The following L3MBTL1 variants were observed in gnomAD, a reference collection of about 807,000 sequenced individuals.
L3MBTL1 encodes lethal(3)malignant brain tumor-like protein 1.
Under a neutral mutation model 105.3 loss-of-function variants are expected in L3MBTL1, and 75 were observed. The ratio of observed to expected loss-of-function variants is 0.71; its 90% confidence interval spans 0.59 to 0.86. L3MBTL1 has a LOEUF of 0.86. Ranked by LOEUF, L3MBTL1 falls within the 40% of genes least tolerant of loss-of-function variation. The pLI is 0.00. For missense variants in L3MBTL1, 1,069 were observed against 1,126.4 expected, an observed-to-expected ratio of 0.95 and a Z score of 0.73; for synonymous variants, 452 against 436.2, an observed-to-expected ratio of 1.04 and a Z score of -0.45.
rs2145448866 is a variant in L3MBTL1 at position 43,530,433 on chromosome 20, G to A, written c.1192+14G>A. 6.2e-7 allele frequency: 1 copy of A among 1,612,926 alleles called. No individual in the cohort carries two copies. The highest frequency in any genetic ancestry group is 8.5e-7 in the Non-Finnish European group (1 of 1,179,530). ...AGCCTCCCAAAGGTAAGGCCTAGCT[G>A]GGTTGGTCACAGTGAGGCAGTGAGT... On this transcript the variant is annotated intron_variant, in intron 10 of 21. Transcript: ENST00000418998.
chr20:43,533,942 C>A, intron 13 of L3MBTL1, 66 bp from the exon 14 acceptor site: 3 of 1,133,656 alleles, frequency 2.6e-6, no homozygotes, highest in Non-Finnish European at 4.0e-6. Context: ...CCTGGTCCTG[C>A]TTGGGGGCAG....
chr20:43,540,410 C>A, intron 20 of L3MBTL1, 102 bp downstream of exon 20: 2 of 1,293,854 alleles, frequency 1.5e-6, no homozygotes, highest in Non-Finnish European at 2.2e-6. Flanking sequence ...GGTACCACTC[C>A]TGGCACTACC....
intron 7 of L3MBTL1, among the ~76,000 whole-genome samples, chr20:43,524,276 GT>G (rs1316545716): frequency 6.6e-6 from 1 of 152,120 alleles, no homozygotes; most frequent in Admixed American, 6.5e-5. Context: ...ATTTAAGGCT[GT>G]CATTTTCCTC....
chr20:43,532,084 A>T (rs1351898417), intron 11 of L3MBTL1: 1 of 152,108 alleles, frequency 6.6e-6, no homozygotes, highest in East Asian at 1.9e-4. Context: ...TGGGCCCAGG[A>T]CTCCACCATG....
At chr20:43,534,466 T>G (rs1600947904) in intron 15 of L3MBTL1, 72 bp downstream of exon 15, 1 of 1,173,960 alleles carries the variant, frequency 8.5e-7, no homozygotes, top group Non-Finnish European at 1.3e-6. Context: ...TGTTTAGAGG[T>G]CAGGGGCATC....
rs755588947 is a variant in L3MBTL1 at position 43,515,347 on chromosome 20, C to G, written c.709C>G (p.Pro237Ala). 1.3e-6 allele frequency: 2 copies of G among 1,578,082 alleles called. No individual in the cohort carries two copies. The highest frequency in any genetic ancestry group is 1.7e-6 in the Non-Finnish European group (2 of 1,160,406). ...GSTSASELLK[P>A]MKKRKRREYQ... ...TACCAGCGCTTCTGAGCTCCTCAAA[C>G]CCATGAAGAAGAGGAAGCGCAGGGA... is the stretch of plus-strand genomic sequence containing the variant. The change falls in exon 6 of 22, where the codon CCC becomes GCC. Residue 237 changes from proline to alanine, a missense_variant. Pro to Ala is a conservative substitution (Grantham distance 27, BLOSUM62 -1). Coordinates refer to ENST00000418998, the MANE Select transcript of L3MBTL1 (RefSeq NM_001377303.1).
At chr20:43,517,324 A>T (rs984865288) in intron 7 of L3MBTL1, among the ~76,000 whole-genome samples, 2 of 152,086 alleles carry the variant, frequency 1.3e-5, no homozygotes, top group African/African-American at 2.4e-5. Context: ...TCGAACTCTT[A>T]CCTCAGGTTA....
At chr20:43,533,635 G>A (rs981949985) in intron 13 of L3MBTL1, among the ~76,000 whole-genome samples, 1 of 152,208 alleles carries the variant, frequency 6.6e-6, no homozygotes, top group African/African-American at 2.4e-5. Context: ...TTTAGGGGAA[G>A]AAAGTTACAT....
intron 5 of L3MBTL1, 38 bp from the exon 6 acceptor site, chr20:43,515,254 G>C (rs199582590): frequency 1.9e-6 from 3 of 1,612,258 alleles, no homozygotes; most frequent in Non-Finnish European, 2.5e-6. Context: ...GGTGGTGCAG[G>C]GCGGGTGGTT....
chr20:43,548,060 G>T, intron 18 of L3MBTL1: 1 of 888,384 alleles, frequency 1.1e-6, no homozygotes. Context: ...CCCCTGCCCC[G>T]TGACCCTTTC....
chr20:43,518,150 C>A (rs922301493), intron 7 of L3MBTL1, among the ~76,000 whole-genome samples: 1 of 149,348 alleles, frequency 6.7e-6, no homozygotes, highest in Non-Finnish European at 1.5e-5. Flanking sequence ...TTTCCCCCAA[C>A]GCCTTTTTTT....
intron 7 of L3MBTL1, among the ~76,000 whole-genome samples, chr20:43,525,357 A>G (rs1392377498): frequency 6.6e-6 from 1 of 152,140 alleles, no homozygotes; most frequent in African/African-American, 2.4e-5. Flanking sequence ...AGAGAGGATC[A>G]GTGCCACCGC....
chr20:43,531,154 A>G lies in L3MBTL1; in HGVS notation c.1284+265A>G, dbSNP rs948810892. On this transcript the variant is annotated intron_variant, in intron 11 of 21. Transcript: ENST00000418998. ...CACATCCCCTTGGAGCCCCTGGCCC[A>G]CTACCCTAGTCTGAGCACTGAGATG... 8.1e-6 allele frequency: 4 copies of G among 492,466 alleles called. No individual in the cohort carries two copies. In the Admixed American group the frequency reaches 1.5e-4, roughly 19 times the overall value. 30.5% of individuals were successfully genotyped at this position (492,466 alleles called of 1,614,324 possible). A position where few individuals can be genotyped will look rare whatever the true frequency, so the allele number is the denominator to read the frequency against.
At chr20:43,530,643 G>A (rs780743610) in intron 10 of L3MBTL1, 155 bp from the exon 11 acceptor site, 53 of 806,228 alleles carry the variant, frequency 6.6e-5, no homozygotes, top group Middle Eastern at 3.6e-4. Context: ...TACTCAAGTC[G>A]TGTCCTGCTT....
chr20:43,523,554 G>T, intron 7 of L3MBTL1: 2 of 258,494 alleles, frequency 7.7e-6, no homozygotes, highest in South Asian at 1.2e-4. Flanking sequence ...GGCACTAGTG[G>T]ACCAGTATCC....
downstream of L3MBTL1, among the ~76,000 whole-genome samples, chr20:43,542,611 CA>C (rs5841503): frequency 0.7 from 79,186 of 113,004 alleles, 25,495 homozygotes; most frequent in East Asian, 0.81. Context: ...AAAAATTTAA[CA>C]AAAAAAAAAA....
intron 3 of L3MBTL1, among the ~76,000 whole-genome samples, 151 bp downstream of exon 3, chr20:43,514,212 C>T (rs1000491880): frequency 4.6e-5 from 7 of 151,980 alleles, no homozygotes; most frequent in Non-Finnish European, 5.9e-5. Context: ...ACTCTCGGGG[C>T]GTGGCTTGAG....
chr20:43,511,609 C>T (rs190390963), intron 1 of L3MBTL1, among the ~76,000 whole-genome samples: 260 of 151,750 alleles, frequency 1.7e-3, no homozygotes, highest in Non-Finnish European at 3.1e-3. Flanking sequence ...GGTGAAACCC[C>T]GTCTCTACTA....
At chr20:43,523,687 A>G (rs1345426206) in intron 7 of L3MBTL1, 1 of 157,130 alleles carries the variant, frequency 6.4e-6, no homozygotes, top group South Asian at 1.7e-4. Flanking sequence ...TTTAATATCT[A>G]TAGGACATTT....
Sources: allele counts gnomAD v4.1 joint callset (sites outside exome capture counted in the v4.1 genomes callset), GRCh38; gene constraint gnomAD v4.1.1; transcripts MANE v1.5; gene names NCBI Gene and HGNC (gene_info 2026-07-23, HGNC 2026-07-21).